DUSP16: variants seen among roughly 807,000 people sequenced by gnomAD.
DUSP16 encodes dual specificity protein phosphatase 16.
In DUSP16, 21 loss-of-function variants were observed where a neutral mutation model predicts 58.3. The observed-to-expected ratio is 0.36, with a 90% CI of 0.26 to 0.52. The LOEUF (loss-of-function observed/expected upper bound fraction) is 0.52. DUSP16 is among the 20% of genes least tolerant of loss of function. DUSP16 has a pLI of 0.94. For synonymous variants in DUSP16, 320 were observed against 323.8 expected (o/e 0.99, Z 0.12); for missense variants, 726 against 819.0 (o/e 0.89, Z 1.39).
chr12:12,496,880 G>T (rs955853480), intron 4 of DUSP16, among the ~76,000 whole-genome samples: 1 of 152,186 alleles, frequency 6.6e-6, no homozygotes, highest in Non-Finnish European at 1.5e-5. Context: ...GAAAATAAAA[G>T]TATGTTTTTG....
intron 1 of DUSP16, among the ~76,000 whole-genome samples, chr12:12,556,630 T>TA (rs1246847641): frequency 2.6e-5 from 4 of 152,050 alleles, no homozygotes; most frequent in Non-Finnish European, 4.4e-5. Context: ...ACATATTTCT[T>TA]AAAGAATGCT....
At chr12:12,509,855 G>C in intron 3 of DUSP16, among the ~76,000 whole-genome samples, 1 of 152,122 alleles carries the variant, frequency 6.6e-6, no homozygotes, top group East Asian at 1.9e-4. Flanking sequence ...AGTTGGTGTG[G>C]GTGGGGGCAC....
chr12:12,538,140 G>A (rs1385186188), intron 1 of DUSP16, among the ~76,000 whole-genome samples: 1 of 152,170 alleles, frequency 6.6e-6, no homozygotes. Flanking sequence ...TTGAAAACAT[G>A]CATCCCCGTG....
chr12:12,512,518 T>C (rs1313869079), intron 3 of DUSP16, among the ~76,000 whole-genome samples: 1 of 152,202 alleles, frequency 6.6e-6, no homozygotes, highest in African/African-American at 2.4e-5. Flanking sequence ...ACCACCGTTC[T>C]ACTGTTTTCA....
intron 1 of DUSP16, among the ~76,000 whole-genome samples, chr12:12,555,176 G>A (rs1944789305): frequency 6.6e-6 from 1 of 152,200 alleles, no homozygotes; most frequent in African/African-American, 2.4e-5. Context: ...AAAGGTGACT[G>A]GAAACAACCA....
intron 1 of DUSP16, among the ~76,000 whole-genome samples, chr12:12,550,092 G>A (rs1240348401): frequency 6.6e-6 from 1 of 152,108 alleles, no homozygotes; most frequent in Non-Finnish European, 1.5e-5. Flanking sequence ...GGCCAACATG[G>A]TGAAACCCTG....
In DUSP16 at chr12:12,530,390, T is replaced by C. The variant is rs139060933; in HGVS notation, c.-365-8927A>G. 1.4e-3 allele frequency among the ~76,000 whole-genome samples: 211 copies of C among 152,340 alleles called. 1 individual carries two copies. The highest frequency in any genetic ancestry group is 4.9e-3 in the African/African-American group (202 of 41,590). On this transcript the variant is annotated intron_variant, in intron 1 of 6. Transcript: ENST00000298573. ...GCCATTGAGTTGTTGGAGTTCCTGATGTTTTTGAGGTATTAACTATTTATC... is the reference window on the plus strand; with the variant it reads ...GCCATTGAGTTGTTGGAGTTCCTGACGTTTTTGAGGTATTAACTATTTATC...
At chr12:12,501,459 C>CA (rs1247029310) in intron 3 of DUSP16, among the ~76,000 whole-genome samples, 1 of 152,202 alleles carries the variant, frequency 6.6e-6, no homozygotes, top group East Asian at 1.9e-4. Context: ...GTCTTGCCAC[C>CA]ACTCAATGGA....
At chr12:12,488,927 A>C (rs1214687116) in intron 4 of DUSP16, among the ~76,000 whole-genome samples, 1 of 152,084 alleles carries the variant, frequency 6.6e-6, no homozygotes, top group Non-Finnish European at 1.5e-5. Context: ...TAAAACTACA[A>C]AATTATCCAG....
chr12:12,492,870 G>A (rs1232279420), intron 4 of DUSP16, among the ~76,000 whole-genome samples: 1 of 152,070 alleles, frequency 6.6e-6, no homozygotes, highest in African/African-American at 2.4e-5. Flanking sequence ...CTTCCTCCTG[G>A]AAAACACGTT....
Position 12,521,275 on chromosome 12 carries a change from C to A in DUSP16, c.-177G>T. The A allele has an allele frequency of 6.9e-7, 1 of 1,438,952 alleles. No individual in the cohort carries two copies. The highest frequency in any genetic ancestry group is 1.4e-5 in the African/African-American group (1 of 69,938). The allele number at this position is 1,438,952 out of a possible 1,614,324, so 89.1% of individuals were successfully genotyped here. On this transcript the variant is annotated 5_prime_UTR_variant, in exon 2 of 7. Transcript: ENST00000298573. Reference sequence around the variant, plus strand: ...CAGCAAGAGCCCTCCAAGTGAATGTCTCTTTCTCTTTCCCGTTGATGTGCT... The same window carrying A: ...CAGCAAGAGCCCTCCAAGTGAATGTATCTTTCTCTTTCCCGTTGATGTGCT...
intron 3 of DUSP16, among the ~76,000 whole-genome samples, chr12:12,514,527 T>C (rs978994014): frequency 6.6e-6 from 1 of 152,184 alleles, no homozygotes. Flanking sequence ...TTGAAAATGG[T>C]TCCTTTTTTG....
chr12:12,493,128 T>TAC (rs988428899), intron 4 of DUSP16, among the ~76,000 whole-genome samples: 2 of 152,192 alleles, frequency 1.3e-5, no homozygotes, highest in Admixed American at 1.3e-4. Flanking sequence ...GCCCCATTCA[T>TAC]ACATCCATCT....
chr12:12,483,907 A>G (rs574847563), intron 5 of DUSP16, among the ~76,000 whole-genome samples: 10 of 152,248 alleles, frequency 6.6e-5, no homozygotes, highest in East Asian at 3.9e-4. Context: ...ACATCTTCAA[A>G]TGACATGCTA....
At chr12:12,511,665 T>C (rs1043597845) in intron 3 of DUSP16, among the ~76,000 whole-genome samples, 1 of 152,126 alleles carries the variant, frequency 6.6e-6, no homozygotes, top group Non-Finnish European at 1.5e-5. Flanking sequence ...TAGCAAATGA[T>C]CATATACTTC....
At chr12:12,481,351 C>T (rs1205359645) in intron 5 of DUSP16, among the ~76,000 whole-genome samples, 1 of 152,186 alleles carries the variant, frequency 6.6e-6, no homozygotes, top group Admixed American at 6.5e-5. Flanking sequence ...CTGGAAGCTA[C>T]TAACATTCTG....
intron 3 of DUSP16, 50 bp from the exon 4 acceptor site, chr12:12,500,732 A>G (rs188699962): frequency 6.9e-7 from 1 of 1,452,560 alleles, no homozygotes; most frequent in Non-Finnish European, 9.1e-7. Context: ...CGCACAAAAT[A>G]AAAACCAGCT....
chr12:12,482,569 A>C (rs967996467), intron 5 of DUSP16, among the ~76,000 whole-genome samples: 2 of 152,248 alleles, frequency 1.3e-5, no homozygotes, highest in Non-Finnish European at 2.9e-5. Context: ...GAGAAGGGAA[A>C]TGTGTGCGAG....
intron 1 of DUSP16, among the ~76,000 whole-genome samples, chr12:12,530,115 A>G (rs1331703366): frequency 6.6e-6 from 1 of 152,140 alleles, no homozygotes; most frequent in Non-Finnish European, 1.5e-5. Context: ...GGCTATAAAT[A>G]GTTCATATTT....
Sources: allele counts gnomAD v4.1 joint callset (sites outside exome capture counted in the v4.1 genomes callset), GRCh38; gene constraint gnomAD v4.1.1; transcripts MANE v1.5; gene names NCBI Gene and HGNC (gene_info 2026-07-23, HGNC 2026-07-21).